Variants in RBBP6 observed in about 807,000 individuals in gnomAD.
The protein encoded by RBBP6 is E3 ubiquitin-protein ligase RBBP6.
In RBBP6, 25 loss-of-function variants were observed where a neutral mutation model predicts 167.7. The observed-to-expected ratio is 0.15, with a 90% CI of 0.11 to 0.21. The LOEUF (loss-of-function observed/expected upper bound fraction) is 0.21, where lower values mean the gene tolerates loss of function less well. Ranked by LOEUF, RBBP6 falls within the 10% of genes least tolerant of loss-of-function variation. RBBP6 has a pLI of 1.00. For synonymous variants in RBBP6, 789 were observed against 735.8 expected (o/e 1.07, Z -1.17); for missense variants, 1,868 against 2,134.2 (o/e 0.88, Z 2.46).
chr16:24,552,872 A>C (rs1390269036), intron 3 of RBBP6: 1 of 151,952 alleles, frequency 6.6e-6, no homozygotes, highest in African/African-American at 2.4e-5. Flanking sequence ...ATTAGAGTCC[A>C]TCATAATAAG....
At position 24,571,472 on chromosome 16, in the gene RBBP6, C is replaced by A. The variant is rs1899332241; in HGVS notation, c.4406C>A (p.Pro1469His). 1 of 1,612,356 alleles carries A rather than the reference C, an allele frequency of 6.2e-7. No individual in the cohort carries two copies. Among genetic ancestry groups the A allele is most frequent in the Admixed American group, 1.7e-5 (1 of 59,660 alleles). Reference protein sequence around the residue: ...TRASSNKDFTPNRDKKTDYDT... With the variant: ...TRASSNKDFTHNRDKKTDYDT... The stretch of plus-strand genomic sequence containing the variant: ...GCTTCCTCAAATAAAGACTTCACTC[C>A]CAATAGAGACAAAAAAACTGACTAT... Residue 1469 changes from proline to histidine, a missense_variant, in exon 18 of 18, where the codon CCC becomes CAC. By Grantham distance (77) the Pro-to-His change is moderately conservative. Transcript: ENST00000319715.
chr16:24,548,165 C>T (rs1056874919), intron 2 of RBBP6, among the ~76,000 whole-genome samples: 1 of 152,110 alleles, frequency 6.6e-6, no homozygotes, highest in Non-Finnish European at 1.5e-5. Context: ...TCAACTTCTT[C>T]CCCTTTCCTG....
chr16:24,549,446 T>G, intron 3 of RBBP6: 1 of 915,212 alleles, frequency 1.1e-6, no homozygotes, highest in Non-Finnish European at 1.3e-6. Context: ...TTGTTAGTTT[T>G]TTTTTTCCTG....
At position 24,562,056 on chromosome 16, in the gene RBBP6, C is replaced by T. The variant is rs764975876; in HGVS notation, c.1184C>T (p.Ala395Val). The change falls in exon 10 of 18, where the codon GCC (alanine) becomes GTC (valine). Residue 395 changes from alanine to valine, a missense_variant. By Grantham distance (64) the Ala-to-Val change is moderately conservative (BLOSUM62 0). Transcript: ENST00000319715. ...SSLTSNQSSL[A>V]PPVSGNPSSA... ...TTAACTTCTAATCAGTCTTCCTTGG[C>T]CCCTCCTGTGTCTGGAAATCCGTCT... is the stretch of plus-strand genomic sequence containing the variant. The T allele has an allele frequency of 1.7e-5, 27 of 1,612,742 alleles. No homozygotes were observed. The highest frequency in any genetic ancestry group is 2.0e-5 in the Non-Finnish European group (24 of 1,178,764).
intron 11 of RBBP6, 46 bp from the exon 12 acceptor site, chr16:24,563,377 T>TC: frequency 6.4e-7 from 1 of 1,551,620 alleles, no homozygotes; most frequent in East Asian, 2.2e-5. Flanking sequence ...CCTCTTTTTT[T>TC]TTTTTTTTTT....
rs770010990 is a variant in RBBP6 at position 24,569,316 on chromosome 16, A to G, written c.2626A>G (p.Thr876Ala). ...ACTTAACATCAGGAATTCTCCCTTC[A>G]CAAGAGGCCGCAGAGAAGACTATGT... Reference protein sequence around the residue: ...LPLNIRNSPFTRGRREDYVGG... With the variant: ...LPLNIRNSPFARGRREDYVGG... Residue 876 changes from threonine to alanine, a missense_variant, in exon 17 of 18, where the codon ACA (threonine) becomes GCA (alanine). Thr to Ala is a moderately conservative substitution (Grantham distance 58, BLOSUM62 0). This residue lies in a region of RBBP6 where 673 missense variants were observed against 691.5 expected (regional missense o/e 0.97). Coordinates refer to ENST00000319715, the MANE Select transcript of RBBP6 (RefSeq NM_006910.5). 1.2e-6 allele frequency: 2 copies of G among 1,612,612 alleles called. No homozygotes were observed. The highest frequency in any genetic ancestry group is 3.4e-5 in the Admixed American group (2 of 59,556).
chr16:24,562,228 T>G, intron 10 of RBBP6, 67 bp downstream of exon 10: 1 of 1,420,900 alleles, frequency 7.0e-7, no homozygotes, highest in Non-Finnish European at 9.7e-7. Flanking sequence ...TTGTTGTTGG[T>G]TATCACTTTT....
chr16:24,558,876 C>T (rs2141468446), intron 7 of RBBP6, among the ~76,000 whole-genome samples: 1 of 152,236 alleles, frequency 6.6e-6, no homozygotes, highest in Admixed American at 6.5e-5. Flanking sequence ...TGATTAACCT[C>T]TCTTAAAATA....
Position 24,563,205 on chromosome 16 carries a change from T to C in RBBP6, c.1296T>C (p.Ser432=), listed in dbSNP as rs769794800. The change falls in exon 11 of 18, where the codon TCT becomes TCC. Residue 432 remains serine (S), a synonymous_variant. Transcript: ENST00000319715. ...TAATTTATGTTTTTTAAAGGGATTC[T>C]GATAATAAAATATTGCCAGCTGCAG... is the stretch of plus-strand genomic sequence containing the variant. ...SEKSDGPFRD[S]DNKILPAAAL... is the part of the protein sequence containing the mutation. 3 of 1,603,726 alleles carry C rather than the reference T, an allele frequency of 1.9e-6. No individual in the cohort carries two copies. The highest frequency in any genetic ancestry group is 2.6e-6 in the Non-Finnish European group (3 of 1,174,756).
In RBBP6 at chr16:24,545,530, G is replaced by A. The variant is rs944582419; in HGVS notation, c.167-633G>A. Among the ~76,000 whole-genome samples, 10 of 152,008 alleles carry A rather than the reference G, an allele frequency of 6.6e-5. No homozygotes were observed. In the South Asian group the frequency reaches 1.2e-3, roughly 19 times the overall value. On this transcript the variant is annotated intron_variant, in intron 1 of 17. Transcript: ENST00000319715. ...TTTCTTAGGCTCTTCAAGCCGTTTC[G>A]TATCATTTTTCTACATGCTTTTTTT...
chr16:24,546,969 G>C (rs753550684), intron 2 of RBBP6, among the ~76,000 whole-genome samples: 1 of 152,130 alleles, frequency 6.6e-6, no homozygotes, highest in African/African-American at 2.4e-5. Flanking sequence ...ACTAACCTGG[G>C]GCAGGATTAA....
rs1298133198 is a variant in RBBP6, at chr16:24,563,251, A to G, written c.1342A>G (p.Lys448Glu). The G allele has an allele frequency of 1.2e-6, 2 of 1,611,910 alleles. No homozygotes were observed. Among genetic ancestry groups the G allele is most frequent in the Non-Finnish European group, 8.5e-7 (1 of 1,178,992 alleles). The change falls in exon 11 of 18, where the codon AAG becomes GAG. Residue 448 changes from lysine (K) to glutamate (E), a missense_variant. This residue lies in a region of RBBP6 where 245 missense variants were observed against 240.1 expected (regional missense o/e 1.02). Coordinates refer to ENST00000319715, the MANE Select transcript of RBBP6 (RefSeq NM_006910.5). ...TGCAGCTCTTGCATCAGAGCACTCA[A>G]AGGGAACCTCCTCAATTGCAATTAC... Reference protein sequence around the residue: ...PAAALASEHSKGTSSIAITAL... With the variant: ...PAAALASEHSEGTSSIAITAL...
chr16:24,548,902 A>T, intron 2 of RBBP6, 43 bp from the exon 3 acceptor site: 1 of 1,505,070 alleles, frequency 6.6e-7, no homozygotes, highest in African/African-American at 1.4e-5. Flanking sequence ...ACAAAAATTC[A>T]TAAATAGCTA....
chr16:24,561,317 C>T (rs138576085), intron 8 of RBBP6, among the ~76,000 whole-genome samples: 1 of 151,780 alleles, frequency 6.6e-6, no homozygotes, highest in Non-Finnish European at 1.5e-5. Flanking sequence ...CCTTGAACTT[C>T]TAGGCTCAAG....
intron 8 of RBBP6, 23 bp downstream of exon 8, chr16:24,559,700 A>G: frequency 6.7e-7 from 1 of 1,501,480 alleles, no homozygotes; most frequent in Non-Finnish European, 8.9e-7. Context: ...GAATCTTGGA[A>G]GATGTATATT....
chr16:24,569,116 A>G lies in RBBP6; in HGVS notation c.2426A>G (p.Lys809Arg). 1 of 1,613,416 alleles carries G rather than the reference A, an allele frequency of 6.2e-7. No individual in the cohort carries two copies. Among genetic ancestry groups the G allele is most frequent in the Non-Finnish European group, 8.5e-7 (1 of 1,179,794 alleles). The change falls in exon 17 of 18, where the codon AAA becomes AGA. Residue 809 changes from lysine to arginine, a missense_variant. Lys to Arg is a conservative substitution (Grantham distance 26). Coordinates refer to ENST00000319715, the MANE Select transcript of RBBP6 (RefSeq NM_006910.5). Reference protein sequence around the residue: ...YREVPPPYDMKAYYGRSVDFR... With the variant: ...YREVPPPYDMRAYYGRSVDFR... ...GAAGTTCCACCACCATATGACATGA[A>G]AGCATATTATGGGAGAAGTGTTGAC...
Position 24,562,078 on chromosome 16 carries a change from G to A in RBBP6, c.1206G>A (p.Pro402=), listed in dbSNP as rs142673953. Reference sequence around the variant, plus strand: ...TGGCCCCTCCTGTGTCTGGAAATCCGTCTTCTGCTCCAGCTCCTGTACCTG... The same window carrying A: ...TGGCCCCTCCTGTGTCTGGAAATCCATCTTCTGCTCCAGCTCCTGTACCTG... ...SSLAPPVSGN[P]SSAPAPVPDI... is the part of the protein sequence containing the mutation. Residue 402 remains proline (P), a synonymous_variant, in exon 10 of 18, where the codon CCG becomes CCA. Coordinates refer to ENST00000319715, the MANE Select transcript of RBBP6 (RefSeq NM_006910.5). The A allele has an allele frequency of 1.2e-4, 193 of 1,613,250 alleles. No individual in the cohort carries two copies. The highest frequency in any genetic ancestry group is 6.5e-4 in the Admixed American group (39 of 60,000).
At chr16:24,540,826 C>T in intron 1 of RBBP6, 34 bp downstream of exon 1, 2 of 1,593,758 alleles carry the variant, frequency 1.3e-6, no homozygotes, top group Non-Finnish European at 1.7e-6. Flanking sequence ...TATTTGGTGG[C>T]TGGAGAGAGA....
intron 12 of RBBP6, 45 bp downstream of exon 12, chr16:24,563,546 T>G (rs1190760203): frequency 6.2e-7 from 1 of 1,611,334 alleles, no homozygotes; most frequent in South Asian, 1.1e-5. Flanking sequence ...CTTTAAAAAA[T>G]AATTTTAGCT....
Sources: gnomAD v4.1 joint callset for allele counts (sites outside exome capture counted in the v4.1 genomes callset) on GRCh38, gnomAD v4.1.1 for gene constraint, gnomAD v4.1.1 regional missense constraint, MANE v1.5 for transcripts, NCBI Gene and HGNC (gene_info 2026-07-23, HGNC 2026-07-21) for gene names.